SEPTIN4: variants seen among roughly 807,000 people sequenced by gnomAD.
SEPTIN4 encodes septin-4.
In SEPTIN4, 52 loss-of-function variants were observed where a neutral mutation model predicts 107.1. The ratio of observed to expected loss-of-function variants is 0.49; its 90% CI spans 0.39 to 0.61. The LOEUF (loss-of-function observed/expected upper bound fraction) is 0.61. SEPTIN4 is among the 20% of genes least tolerant of loss of function. The pLI is 0.00. For missense variants in SEPTIN4, 1,048 were observed against 1,243.5 expected, an observed-to-expected ratio of 0.84 and a Z score of 2.36; for synonymous variants, 417 against 467.0, an observed-to-expected ratio of 0.89 and a Z score of 1.38.
In SEPTIN4 at chr17:58,526,865, C is replaced by T. The variant is rs779023187; in HGVS notation, c.1728G>A (p.Arg576=). The T allele has an allele frequency of 2.5e-6, 4 of 1,613,770 alleles. No individual in the cohort carries two copies. The highest frequency in any genetic ancestry group is 2.5e-6 in the Non-Finnish European group (3 of 1,179,946). The change falls in exon 4 of 14, where the codon AGG becomes AGA. Residue 576 remains arginine, a synonymous_variant. Coordinates refer to ENST00000672673, the MANE Select transcript of SEPTIN4 (RefSeq NM_001368771.2). ...GGGGCCTTGGCTCCGGGACTTGGGGCCTGGATGCCCAGGTCTTAGCCTCTG... is the reference window on the plus strand; with the variant it reads ...GGGGCCTTGGCTCCGGGACTTGGGGTCTGGATGCCCAGGTCTTAGCCTCTG... The part of the protein sequence containing the change: ...HPPEAKTWAS[R]PQVPEPRPQA...
At chr17:58,526,603 C>CACACAT in intron 4 of SEPTIN4, 79 bp downstream of exon 4, 2 of 1,500,822 alleles carry the variant, frequency 1.3e-6, no homozygotes, top group Non-Finnish European at 1.8e-6. Context: ...CACACACACA[C>CACACAT]ACACACACAC....
At chr17:58,533,761 G>A (rs1362606419) in intron 3 of SEPTIN4, among the ~76,000 whole-genome samples, 1 of 152,194 alleles carries the variant, frequency 6.6e-6, no homozygotes, top group South Asian at 2.1e-4. Flanking sequence ...GCTACCATCA[G>A]CCCCAAATGT....
In SEPTIN4 at chr17:58,521,173, G is replaced by C; in HGVS notation, c.2669-13C>G. Reference sequence around the variant, plus strand: ...CCTGGGTTTTCCACTGCATAGCAAGGCTAGGGGTCAGCCAGAGGCATAGGT... The same window carrying C: ...CCTGGGTTTTCCACTGCATAGCAAGCCTAGGGGTCAGCCAGAGGCATAGGT... On this transcript the variant is annotated splice_polypyrimidine_tract_variant and intron_variant, in intron 11 of 13. Coordinates refer to ENST00000672673, the MANE Select transcript of SEPTIN4 (RefSeq NM_001368771.2). This position sits in a 1 kb window ranked among gnomAD's most constrained non-coding sequence, Gnocchi z 6.4. The C allele has an allele frequency of 6.2e-7, 1 of 1,614,176 alleles. No individual in the cohort carries two copies. The highest frequency in any genetic ancestry group is 8.5e-7 in the Non-Finnish European group (1 of 1,180,016).
At chr17:58,525,338 G>T in intron 6 of SEPTIN4, 137 bp from the exon 7 acceptor site, 1 of 1,070,890 alleles carries the variant, frequency 9.3e-7, no homozygotes, top group Non-Finnish European at 1.3e-6. Flanking sequence ...GCTGTCTGGG[G>T]GACTGTTCTC....
chr17:58,529,446 G>A (rs2043269224), intron 3 of SEPTIN4: 7 of 1,362,786 alleles, frequency 5.1e-6, no homozygotes, highest in Non-Finnish European at 6.6e-6. Context: ...TGGTTCCTCT[G>A]CAGTCCCCTC....
At chr17:58,535,715 T>C (rs2043687540) in intron 3 of SEPTIN4, among the ~76,000 whole-genome samples, 1 of 152,228 alleles carries the variant, frequency 6.6e-6, no homozygotes, top group African/African-American at 2.4e-5. Context: ...CTCTACCAAA[T>C]TCACCACAAG....
rs140186503 is a variant in SEPTIN4, at chr17:58,543,615, C to A, written c.572G>T (p.Arg191Leu). Residue 191 changes from arginine (R) to leucine (L), a missense_variant, in exon 1 of 14, where the codon CGT becomes CTT. Arg to Leu is a moderately radical substitution (Grantham distance 102). Around this residue, in one of 2 missense-constraint regions of SEPTIN4, gnomAD observed 787 missense variants for 871.8 expected, o/e 0.90. Coordinates refer to ENST00000672673, the MANE Select transcript of SEPTIN4 (RefSeq NM_001368771.2). The stretch of plus-strand genomic sequence containing the variant: ...ATCCTTTGGGTAAGACAAAATCCTA[C>A]GGGGAACTCTGACTCCTTGGGGGTT... ...VQNPQGVRVPRRILSYPKDEA... is the reference protein window; with the variant it reads ...VQNPQGVRVPLRILSYPKDEA... 1 of 1,614,070 alleles carries A rather than the reference C, an allele frequency of 6.2e-7. No individual in the cohort carries two copies. The highest frequency in any genetic ancestry group is 8.5e-7 in the Non-Finnish European group (1 of 1,180,044).
Position 58,526,612 on chromosome 17 carries a change from A to T in SEPTIN4, c.1911+70T>A, listed in dbSNP as rs1017691681. 75 of 1,501,650 alleles carry T rather than the reference A, an allele frequency of 5.0e-5. 1 individual carries two copies. The Admixed American group carries it at 8.0e-4, about 16-fold the overall frequency. The allele number at this position is 1,501,650 out of a possible 1,614,324, so 93.0% of individuals were successfully genotyped here. On this transcript the variant is annotated intron_variant, in intron 4 of 13. Coordinates refer to ENST00000672673, the MANE Select transcript of SEPTIN4 (RefSeq NM_001368771.2). ...CACACACACACACACACACACACACACTCTGCTCCCTGCCCCCGGTCTTCC... is the reference window on the plus strand; with the variant it reads ...CACACACACACACACACACACACACTCTCTGCTCCCTGCCCCCGGTCTTCC...
chr17:58,523,551 C>T lies in SEPTIN4; in HGVS notation c.2217-1450G>A, dbSNP rs541460079. 1.1e-4 allele frequency among the ~76,000 whole-genome samples: 17 copies of T among 152,052 alleles called. No homozygotes were observed. In the East Asian group the frequency reaches 2.7e-3, roughly 24 times the overall value. ...CTGATTGAAACATGTTAGAGAACTG[C>T]CCCCACCTCCCCTGCTTCCCTGTTG... is the stretch of plus-strand genomic sequence containing the variant. On this transcript the variant is annotated intron_variant, in intron 7 of 13. Coordinates refer to ENST00000672673, the MANE Select transcript of SEPTIN4 (RefSeq NM_001368771.2).
rs1007622281 is a variant in SEPTIN4 at position 58,538,912 on chromosome 17, A to G, written c.1614+1754T>C. On this transcript the variant is annotated intron_variant, in intron 3 of 13. Transcript: ENST00000672673. This position sits in a 1 kb window ranked among gnomAD's most constrained non-coding sequence, Gnocchi z 4.7. ...GGCATCGTGGCCAGGCCACCAGAGA[A>G]TTCCTGCCAGGAATGGAATCTGGAA... Among the ~76,000 whole-genome samples, 7 of 152,232 alleles carry G rather than the reference A, an allele frequency of 4.6e-5. No individual in the cohort carries two copies. Among genetic ancestry groups the G allele is most frequent in the African/African-American group, 1.7e-4 (7 of 41,464 alleles).
In SEPTIN4 at chr17:58,538,697, T is replaced by C. The variant is rs1287975945; in HGVS notation, c.1614+1969A>G. On this transcript the variant is annotated intron_variant, in intron 3 of 13. Coordinates refer to ENST00000672673, the MANE Select transcript of SEPTIN4 (RefSeq NM_001368771.2). The surrounding 1 kb of genome is among the most constrained non-coding windows in gnomAD (Gnocchi z 4.7). ...GCATAACCTCCTCTGGGGAGACTCC[T>C]GCCCCTAATGTCCCAATCCAAGGAT... 1.3e-5 allele frequency among the ~76,000 whole-genome samples: 2 copies of C among 152,090 alleles called. No homozygotes were observed. The highest frequency in any genetic ancestry group is 2.9e-5 in the Non-Finnish European group (2 of 68,002).
At chr17:58,529,177 C>G in intron 3 of SEPTIN4, 1 of 1,614,220 alleles carries the variant, frequency 6.2e-7, no homozygotes, top group South Asian at 1.1e-5. Context: ...CGGTCCATGT[C>G]CCACGCTTCA....
In SEPTIN4 at chr17:58,520,812, G is replaced by A; in HGVS notation, c.2862C>T (p.Phe954=). 1.2e-6 allele frequency: 2 copies of A among 1,614,048 alleles called. No homozygotes were observed. The highest frequency in any genetic ancestry group is 1.7e-6 in the Non-Finnish European group (2 of 1,180,020). The change falls in exon 13 of 14, where the codon TTC becomes TTT. Residue 954 remains phenylalanine (F), a synonymous_variant. Coordinates refer to ENST00000672673, the MANE Select transcript of SEPTIN4 (RefSeq NM_001368771.2). The part of the protein sequence containing the change: ...NKLTRESGTD[F]PIPAVPPGTD... ...TCCCTGGTGGGACAGCAGGGATGGG[G>A]AAGTCGGTACCACTTTCCCGAGTCA...
chr17:58,528,038 G>C, intron 3 of SEPTIN4: 1 of 985,452 alleles, frequency 1.0e-6, no homozygotes, highest in Non-Finnish European at 1.2e-6. Flanking sequence ...TTCGTGGGGT[G>C]CCTGGCAGTG....
At position 58,544,321 on chromosome 17, in the gene SEPTIN4, C is replaced by T. The variant is rs1407595361; in HGVS notation, c.-135G>A. 1.6e-5 allele frequency: 19 copies of T among 1,222,640 alleles called. No homozygotes were observed. The Admixed American group carries it at 2.4e-4, about 15-fold the overall frequency. The allele number at this position is 1,222,640 out of a possible 1,614,324, so 75.7% of individuals were successfully genotyped here. A position where few individuals can be genotyped will look rare whatever the true frequency, so the allele number is the denominator to read the frequency against. ...GGCTCCCACAAAAGTGGCTGTTGTT[C>T]TAAGAGTGTCTCAAATAATCCCCTT... is the stretch of plus-strand genomic sequence containing the variant. On this transcript the variant is annotated 5_prime_UTR_variant, in exon 1 of 14. Transcript: ENST00000672673.
Position 58,525,734 on chromosome 17 carries a change from T to G in SEPTIN4, c.2053A>C (p.Thr685Pro). ...AGTTTCCGGTCCCGGTACAGATCAG[T>G]GAGGAAGAGGCTATTGACAAGTGTG... Reference protein sequence around the residue: ...KSTLVNSLFLTDLYRDRKLLG... With the variant: ...KSTLVNSLFLPDLYRDRKLLG... The change falls in exon 6 of 14, where the codon ACT becomes CCT. Residue 685 changes from threonine to proline, a missense_variant. By Grantham distance (38) the Thr-to-Pro change is conservative (BLOSUM62 -1). Around this residue, in one of 2 missense-constraint regions of SEPTIN4, gnomAD observed 787 missense variants for 871.8 expected, o/e 0.90. Coordinates refer to ENST00000672673, the MANE Select transcript of SEPTIN4 (RefSeq NM_001368771.2). 1 of 1,614,068 alleles carries G rather than the reference T, an allele frequency of 6.2e-7. No individual in the cohort carries two copies. Among genetic ancestry groups the G allele is most frequent in the South Asian group, 1.1e-5 (1 of 91,074 alleles).
intron 3 of SEPTIN4, chr17:58,529,202 A>G (rs1451329181): frequency 6.2e-7 from 1 of 1,614,144 alleles, no homozygotes. Flanking sequence ...CCCTGTCAGA[A>G]AGCTCTAGGT....
At position 58,543,550 on chromosome 17, in the gene SEPTIN4, T is replaced by C. The variant is rs757655122; in HGVS notation, c.637A>G (p.Thr213Ala). The C allele has an allele frequency of 3.1e-6, 5 of 1,614,204 alleles. No individual in the cohort carries two copies. The South Asian group carries it at 4.4e-5, about 14-fold the overall frequency. The change falls in exon 1 of 14, where the codon ACT becomes GCT. Residue 213 changes from threonine (T) to alanine (A), a missense_variant. Thr to Ala is a moderately conservative substitution (Grantham distance 58). Coordinates refer to ENST00000672673, the MANE Select transcript of SEPTIN4 (RefSeq NM_001368771.2). Reference protein sequence around the residue: ...QTEPIQRITTTSEIRSPRSPS... With the variant: ...QTEPIQRITTASEIRSPRSPS... Reference sequence around the variant, plus strand: ...CTCCTTGGAGATCTGATCTCACTAGTAGTCGTAATTCTTTGGATGGGCTCA... The same window carrying C: ...CTCCTTGGAGATCTGATCTCACTAGCAGTCGTAATTCTTTGGATGGGCTCA...
intron 2 of SEPTIN4, 28 bp downstream of exon 2, chr17:58,541,894 T>C (rs1388922120): frequency 1.9e-6 from 3 of 1,613,960 alleles, no homozygotes; most frequent in Admixed American, 1.7e-5. Flanking sequence ...GCTCCCACAG[T>C]GGGCCCATAG....
Sources: gnomAD v4.1 joint callset for allele counts (sites outside exome capture counted in the v4.1 genomes callset) on GRCh38, gnomAD v4.1.1 for gene constraint, gnomAD v4.1.1 regional missense constraint, Gnocchi (gnomAD v3.1) non-coding constraint, MANE v1.5 for transcripts, NCBI Gene and HGNC (gene_info 2026-07-23, HGNC 2026-07-21) for gene names.